NRDC: variants seen among roughly 807,000 people sequenced by gnomAD.
NRDC encodes the protein nardilysin convertase.
In NRDC, 54 loss-of-function variants were observed where a neutral mutation model predicts 147.1. That is an observed-to-expected ratio of 0.37 (90% CI 0.29 to 0.46). The LOEUF (loss-of-function observed/expected upper bound fraction) is 0.46, where lower values mean the gene tolerates loss of function less well. Among genes scored for constraint, NRDC ranks in the 20% least tolerant of loss-of-function variants. NRDC has a pLI of 1.00. For synonymous variants in NRDC, 440 were observed against 482.1 expected (o/e 0.91, Z 1.14); for missense variants, 1,082 against 1,370.6 (o/e 0.79, Z 3.33).
At chr1:51,867,015 C>T (rs1682843546) in intron 1 of NRDC, among the ~76,000 whole-genome samples, 1 of 152,020 alleles carries the variant, frequency 6.6e-6, no homozygotes, top group Admixed American at 6.6e-5. Flanking sequence ...CAGTCTGTCG[C>T]TCAGGCTGCA....
chr1:51,827,370 G>A (rs1680493494), intron 5 of NRDC, among the ~76,000 whole-genome samples: 1 of 152,124 alleles, frequency 6.6e-6, no homozygotes, highest in African/African-American at 2.4e-5. Flanking sequence ...GTCCCCTCAA[G>A]TCTAGTATTA....
At position 51,836,021 on chromosome 1, in the gene NRDC, C is replaced by G. The variant is rs75634003; in HGVS notation, c.712+110G>C. 4,586 of 831,200 alleles carry G rather than the reference C, an allele frequency of 5.5e-3. 167 individuals carry two copies. The African/African-American group carries it at 0.071, about 13-fold the overall frequency. 51.5% of individuals were successfully genotyped at this position (831,200 alleles called of 1,614,324 possible). A position where few individuals can be genotyped will look rare whatever the true frequency, so the allele number is the denominator to read the frequency against. On this transcript the variant is annotated intron_variant, in intron 3 of 30. Transcript: ENST00000352171. Reference sequence around the variant, plus strand: ...GATTTTTTCTTAGCCTTTTCTCTTGCTAAATATATCATACTTCTGTCAAAT... The same window carrying G: ...GATTTTTTCTTAGCCTTTTCTCTTGGTAAATATATCATACTTCTGTCAAAT...
chr1:51,861,888 A>G (rs934266493), intron 1 of NRDC, among the ~76,000 whole-genome samples: 1 of 152,202 alleles, frequency 6.6e-6, no homozygotes, highest in African/African-American at 2.4e-5. Context: ...AGTCTCATCT[A>G]TGATGAGTCA....
chr1:51,816,290 T>C lies in NRDC; in HGVS notation c.1439+22A>G, dbSNP rs747238398. ...TTTTCAGAGATTGCTATACTGAAAA[T>C]ACTTATTAATTGAATACTTGCTTTT... is the stretch of plus-strand genomic sequence containing the variant. On this transcript the variant is annotated intron_variant, in intron 11 of 30. Coordinates refer to ENST00000352171, the MANE Select transcript of NRDC (RefSeq NM_001101662.2). The C allele has an allele frequency of 2.0e-6, 3 of 1,517,058 alleles. No homozygotes were observed. The Admixed American group carries it at 5.7e-5, about 29-fold the overall frequency. 94.0% of individuals were successfully genotyped at this position (1,517,058 alleles called of 1,614,324 possible).
intron 3 of NRDC, among the ~76,000 whole-genome samples, chr1:51,835,476 T>TC (rs1290097235): frequency 6.8e-6 from 1 of 147,816 alleles, no homozygotes; most frequent in East Asian, 1.9e-4. Flanking sequence ...TGTTTTTTTT[T>TC]TTTTTTTTTT....
chr1:51,855,739 G>T (rs1480266216), intron 1 of NRDC, among the ~76,000 whole-genome samples: 3 of 152,106 alleles, frequency 2.0e-5, no homozygotes, highest in African/African-American at 7.2e-5. Flanking sequence ...TAGGTATGGT[G>T]ACGCACCCCT....
intron 1 of NRDC, among the ~76,000 whole-genome samples, chr1:51,852,714 G>A (rs141445877): frequency 7.0e-4 from 106 of 152,004 alleles, no homozygotes; most frequent in African/African-American, 2.3e-3. Context: ...TACTTCAGGT[G>A]ATCACACTGA....
At chr1:51,789,790 C>A in intron 29 of NRDC, 133 bp from the exon 30 acceptor site, 1 of 649,436 alleles carries the variant, frequency 1.5e-6, no homozygotes, top group Admixed American at 2.7e-5. Flanking sequence ...CTCAGGTTAC[C>A]CCTAACCTTC....
chr1:51,789,914 A>C (rs1678509020), intron 29 of NRDC: 1 of 469,776 alleles, frequency 2.1e-6, no homozygotes, highest in African/African-American at 2.0e-5. Context: ...CCATACACTG[A>C]GCCCAACACC....
chr1:51,842,560 A>G (rs377324538), intron 1 of NRDC, among the ~76,000 whole-genome samples: 1 of 152,244 alleles, frequency 6.6e-6, no homozygotes, highest in South Asian at 2.1e-4. Flanking sequence ...TTTTCTTCAC[A>G]GTGGAATATT....
At chr1:51,862,226 C>T (rs2124082561) in intron 1 of NRDC, 1 of 152,066 alleles carries the variant, frequency 6.6e-6, no homozygotes, top group Non-Finnish European at 1.5e-5. Flanking sequence ...GTAAAAAATA[C>T]ATATATACGT....
At chr1:51,827,747 G>A in intron 5 of NRDC, 49 bp downstream of exon 5, 1 of 1,389,150 alleles carries the variant, frequency 7.2e-7, no homozygotes, top group Non-Finnish European at 1.0e-6. Flanking sequence ...ATAAGTAACT[G>A]GTTTCATGAA....
In NRDC at chr1:51,791,741, A is replaced by G. The variant is rs921170739; in HGVS notation, c.2877-80T>C. On this transcript the variant is annotated intron_variant, in intron 26 of 30. Coordinates refer to ENST00000352171, the MANE Select transcript of NRDC (RefSeq NM_001101662.2). ...CTTGGAGGCACTAGATAGGAGTGGGAAAAGTTTCTGCCCATCCTTATTGGA... is the reference window on the plus strand; with the variant it reads ...CTTGGAGGCACTAGATAGGAGTGGGGAAAGTTTCTGCCCATCCTTATTGGA... 66 of 1,170,710 alleles carry G rather than the reference A, an allele frequency of 5.6e-5. No individual in the cohort carries two copies. In the East Asian group the frequency reaches 1.5e-3, roughly 27 times the overall value. 72.5% of individuals were successfully genotyped at this position (1,170,710 alleles called of 1,614,324 possible).
At chr1:51,789,821 GCT>G (rs781063317) in intron 29 of NRDC, 164 bp from the exon 30 acceptor site, 11 of 607,068 alleles carry the variant, frequency 1.8e-5, no homozygotes, top group Non-Finnish European at 2.9e-5. Flanking sequence ...CGATGATGAA[GCT>G]CTCTGGCATG....
intron 1 of NRDC, among the ~76,000 whole-genome samples, chr1:51,841,164 T>A (rs939569429): frequency 6.6e-6 from 1 of 152,154 alleles, no homozygotes; most frequent in Non-Finnish European, 1.5e-5. Context: ...ACTCTTGGGC[T>A]CAAGCAGCTC....
At chr1:51,796,440 A>G (rs1678916488) in intron 22 of NRDC, among the ~76,000 whole-genome samples, 1 of 151,952 alleles carries the variant, frequency 6.6e-6, no homozygotes, top group East Asian at 1.9e-4. Flanking sequence ...GGTTTTCACC[A>G]TGTTGGCCAG....
intron 19 of NRDC, among the ~76,000 whole-genome samples, chr1:51,805,097 C>A (rs1390015225): frequency 6.6e-6 from 1 of 152,230 alleles, no homozygotes; most frequent in Non-Finnish European, 1.5e-5. Context: ...CGACCACCCA[C>A]AATGAAAGCT....
chr1:51,822,199 T>G (rs1341545187), intron 7 of NRDC, among the ~76,000 whole-genome samples: 4 of 152,134 alleles, frequency 2.6e-5, no homozygotes, highest in African/African-American at 9.7e-5. Flanking sequence ...TGAAGAGTAT[T>G]TGTTAGTTCT....
intron 20 of NRDC, among the ~76,000 whole-genome samples, chr1:51,802,707 G>T (rs559657431): frequency 1.2e-4 from 19 of 152,152 alleles, no homozygotes; most frequent in Non-Finnish European, 2.2e-4. Context: ...AGATGGAGAA[G>T]GGAAAAGGCA....
Sources: gnomAD v4.1 joint callset for allele counts (sites outside exome capture counted in the v4.1 genomes callset) on GRCh38, gnomAD v4.1.1 for gene constraint, MANE v1.5 for transcripts, NCBI Gene and HGNC (gene_info 2026-07-23, HGNC 2026-07-21) for gene names.